The following RNPC3 variants were observed in gnomAD, a reference collection of about 807,000 sequenced individuals.
The protein encoded by RNPC3 is RNA-binding region-containing protein 3.
Under a neutral mutation model 67.5 loss-of-function variants are expected in RNPC3, and 48 were observed. That is an observed-to-expected ratio of 0.71 (90% CI 0.56 to 0.90). The LOEUF (loss-of-function observed/expected upper bound fraction) is 0.90. Among genes scored for constraint, RNPC3 ranks in the 40% least tolerant of loss-of-function variants. The pLI is 0.00. For missense variants in RNPC3, 637 were observed against 626.1 expected (o/e 1.02, Z -0.19); for synonymous variants, 239 against 210.3 (o/e 1.14, Z -1.18).
At chr1:103,537,807 C>G (rs1651021244) in intron 7 of RNPC3, among the ~76,000 whole-genome samples, 2 of 151,856 alleles carry the variant, frequency 1.3e-5, no homozygotes. Context: ...TTTGTGACTT[C>G]AAAATCAATA....
At chr1:103,526,550 G>T (rs1337897357) in intron 1 of RNPC3, among the ~76,000 whole-genome samples, 1 of 152,160 alleles carries the variant, frequency 6.6e-6, no homozygotes, top group Non-Finnish European at 1.5e-5. Context: ...CATCCTGAGA[G>T]CCTCACAACT....
intron 2 of RNPC3, among the ~76,000 whole-genome samples, chr1:103,533,160 A>G (rs1282107333): frequency 6.6e-6 from 1 of 152,044 alleles, no homozygotes; most frequent in African/African-American, 2.4e-5. Flanking sequence ...TTAGATAGGC[A>G]TGTGGATAGT....
intron 11 of RNPC3, chr1:103,546,735 G>C: frequency 2.5e-6 from 1 of 392,398 alleles, no homozygotes; most frequent in South Asian, 6.2e-5. Context: ...TGCAGAAGCT[G>C]GCGAACTTTC....
At chr1:103,531,605 G>A (rs946831735) in intron 2 of RNPC3, among the ~76,000 whole-genome samples, 1 of 152,102 alleles carries the variant, frequency 6.6e-6, no homozygotes, top group Non-Finnish European at 1.5e-5. Context: ...TAGTGATGTT[G>A]AGCAGTTTTT....
At position 103,536,267 on chromosome 1, in the gene RNPC3, G is replaced by A. The variant is rs1650984792; in HGVS notation, c.624+73G>A. ...GGGATTATTGAGGCTGAATTATACA[G>A]GTGTTGTAGCAACCTCTGATGTACA... On this transcript the variant is annotated intron_variant, in intron 6 of 14. Coordinates refer to ENST00000423855, the MANE Select transcript of RNPC3 (RefSeq NM_017619.4). 6 of 1,038,348 alleles carry A rather than the reference G, an allele frequency of 5.8e-6. No homozygotes were observed. The South Asian group carries it at 6.8e-5, about 12-fold the overall frequency. 64.3% of individuals were successfully genotyped at this position (1,038,348 alleles called of 1,614,324 possible).
At chr1:103,541,629 C>G (rs1651127164) in intron 8 of RNPC3, among the ~76,000 whole-genome samples, 154 bp downstream of exon 8, 1 of 152,016 alleles carries the variant, frequency 6.6e-6, no homozygotes, top group Non-Finnish European at 1.5e-5. Flanking sequence ...ATTCATAATT[C>G]TCTCACAGTT....
chr1:103,535,614 A>G (rs1650965251), intron 5 of RNPC3, among the ~76,000 whole-genome samples, 173 bp downstream of exon 5: 1 of 152,100 alleles, frequency 6.6e-6, no homozygotes, highest in Non-Finnish European at 1.5e-5. Context: ...AAGGTATCGT[A>G]TAAGTGGATA....
intron 9 of RNPC3, among the ~76,000 whole-genome samples, chr1:103,544,160 A>G (rs1228047366): frequency 1.3e-5 from 2 of 151,652 alleles, no homozygotes; most frequent in Non-Finnish European, 3.0e-5. Context: ...GTGTATATAC[A>G]TACATGTGTG....
intron 8 of RNPC3, among the ~76,000 whole-genome samples, chr1:103,542,408 GA>G (rs932857857): frequency 2.7e-4 from 41 of 152,050 alleles, no homozygotes; most frequent in African/African-American, 9.1e-4. Flanking sequence ...AGAAGGATGT[GA>G]AACCTCCCCT....
At position 103,541,444 on chromosome 1, in the gene RNPC3, A is replaced by T. The variant is rs1570622150; in HGVS notation, c.862A>T (p.Met288Leu). The T allele has an allele frequency of 2.7e-6, 4 of 1,496,350 alleles. No individual in the cohort carries two copies. The highest frequency in any genetic ancestry group is 2.6e-6 in the Non-Finnish European group (3 of 1,132,946). 92.7% of individuals were successfully genotyped at this position (1,496,350 alleles called of 1,614,324 possible). Residue 288 changes from methionine (M) to leucine (L), a missense_variant, in exon 8 of 15, where the codon ATG (methionine) becomes TTG (leucine). Coordinates refer to ENST00000423855, the MANE Select transcript of RNPC3 (RefSeq NM_017619.4). ...HVRKKRKIKD[M>L]LNTPLCPSHS... is the part of the protein sequence containing the mutation. ...GAGAAAAAAGAGAAAAATAAAGGAT[A>T]TGTTGAATACACCTTTGTGTCCTTC... is the stretch of plus-strand genomic sequence containing the variant.
At chr1:103,543,689 C>A (rs1037620073) in intron 9 of RNPC3, among the ~76,000 whole-genome samples, 5 of 151,538 alleles carry the variant, frequency 3.3e-5, no homozygotes, top group Non-Finnish European at 5.9e-5. Flanking sequence ...AAATTTAGTG[C>A]TTTTTGCTGA....
intron 2 of RNPC3, among the ~76,000 whole-genome samples, chr1:103,530,715 A>G (rs1213496914): frequency 6.6e-6 from 1 of 152,224 alleles, no homozygotes; most frequent in Non-Finnish European, 1.5e-5. Context: ...AGGGAAAGGT[A>G]GAAACAGGGA....
chr1:103,545,549 A>G (rs1557760127), intron 10 of RNPC3: 1 of 153,944 alleles, frequency 6.5e-6, no homozygotes, highest in Non-Finnish European at 1.4e-5. Context: ...AAAGACTTTT[A>G]CTGTTTTGGT....
In RNPC3 at chr1:103,535,314, G is replaced by GT. The variant is rs907151587; in HGVS notation, c.444-10dup. ...TTATGAAAACATAAGCATCTTAAAT[G>GT]TTTTTTGTTTTATAGGCTGACTTTT... is the stretch of plus-strand genomic sequence containing the variant. On this transcript the variant is annotated splice_polypyrimidine_tract_variant and intron_variant, in intron 4 of 14. Coordinates refer to ENST00000423855, the MANE Select transcript of RNPC3 (RefSeq NM_017619.4). The GT allele has an allele frequency of 2.0e-6, 3 of 1,484,244 alleles. No homozygotes were observed. The highest frequency in any genetic ancestry group is 2.8e-5 in the African/African-American group (2 of 71,698). 91.9% of individuals were successfully genotyped at this position (1,484,244 alleles called of 1,614,324 possible). A position where few individuals can be genotyped will look rare whatever the true frequency, so the allele number is the denominator to read the frequency against.
chr1:103,530,944 C>T (rs147876718), intron 2 of RNPC3, among the ~76,000 whole-genome samples: 1 of 152,206 alleles, frequency 6.6e-6, no homozygotes, highest in Admixed American at 6.5e-5. Flanking sequence ...TACCTGTCAC[C>T]CAAGCAATAT....
rs551452602 is a variant in RNPC3 at position 103,537,481 on chromosome 1, A to G, written c.764A>G (p.Gln255Arg). The change falls in exon 7 of 15, where the codon CAG becomes CGG. Residue 255 changes from glutamine (Q) to arginine (R), a missense_variant. Around this residue, in one of 3 missense-constraint regions of RNPC3, gnomAD observed 536 missense variants for 500.3 expected, o/e 1.07. Coordinates refer to ENST00000423855, the MANE Select transcript of RNPC3 (RefSeq NM_017619.4). ...EYESTDDEDR[Q>R]RMNKLMELAN... ...GAAAGCACTGATGATGAGGACCGAC[A>G]GAGGTTTGTAACATGAAAAATTTGT... 2.0e-6 allele frequency: 3 copies of G among 1,533,896 alleles called. No individual in the cohort carries two copies. The highest frequency in any genetic ancestry group is 4.0e-5 in the Admixed American group (2 of 50,250).
At chr1:103,527,870 T>C (rs1439101844) in intron 2 of RNPC3, 128 bp downstream of exon 2, 23 of 641,908 alleles carry the variant, frequency 3.6e-5, no homozygotes, top group Non-Finnish European at 1.1e-5. Context: ...CCCAACAGAC[T>C]ACATTTGATT....
At chr1:103,553,439 G>T (rs543757455) in intron 14 of RNPC3, 1 of 152,120 alleles carries the variant, frequency 6.6e-6, no homozygotes, top group South Asian at 2.1e-4. Flanking sequence ...TTATTCAAAT[G>T]AAATATTTCT....
At chr1:103,550,908 A>AT (rs1651371793) in intron 12 of RNPC3, 33 bp from the exon 13 acceptor site, 2 of 1,603,296 alleles carry the variant, frequency 1.2e-6, no homozygotes, top group Admixed American at 3.4e-5. Flanking sequence ...TGAAACTGAC[A>AT]TTCTTTGAAT....
Sources: gnomAD v4.1 joint callset for allele counts (sites outside exome capture counted in the v4.1 genomes callset) on GRCh38, gnomAD v4.1.1 for gene constraint, gnomAD v4.1.1 regional missense constraint, MANE v1.5 for transcripts, NCBI Gene and HGNC (gene_info 2026-07-23, HGNC 2026-07-21) for gene names.